SAMD8: variants seen among roughly 807,000 people sequenced by gnomAD.
SAMD8 encodes the protein sphingomyelin synthase-related protein 1.
A neutral mutation model predicts 42.0 loss-of-function variants in SAMD8; 20 were observed. The observed-to-expected ratio is 0.48, with a 90% CI of 0.34 to 0.69. The LOEUF is 0.69. SAMD8 is among the 30% of genes least tolerant of loss of function. SAMD8 has a pLI of 0.01. For synonymous variants in SAMD8, 162 were observed against 173.0 expected (o/e 0.94, Z 0.50); for missense variants, 328 against 511.6 (o/e 0.64, Z 3.46).
intron 2 of SAMD8, among the ~76,000 whole-genome samples, chr10:75,155,216 C>A (rs887317287): frequency 8.5e-5 from 13 of 152,072 alleles, no homozygotes; most frequent in African/African-American, 3.1e-4. Flanking sequence ...TTAACCTGAC[C>A]ATCTGTAAAG....
At chr10:75,111,779 G>T in intron 1 of SAMD8, 57 bp downstream of exon 1, 3 of 1,232,448 alleles carry the variant, frequency 2.4e-6, no homozygotes, top group Non-Finnish European at 3.0e-6. Context: ...GCTGCCAAGG[G>T]TGAGTGGGGA....
chr10:75,104,058 C>T (rs762664811), intron 1 of SAMD8: 1 of 1,361,586 alleles, frequency 7.3e-7, no homozygotes, highest in Admixed American at 1.9e-5. Flanking sequence ...GCCAGGGTGG[C>T]AAAGTGGCAG....
chr10:75,160,773 G>A (rs888780076), intron 2 of SAMD8, among the ~76,000 whole-genome samples: 1 of 152,132 alleles, frequency 6.6e-6, no homozygotes, highest in African/African-American at 2.4e-5. Context: ...AAGTTTATTT[G>A]TACTTCAGAG....
chr10:75,150,867 G>A lies in SAMD8; in HGVS notation c.339G>A (p.Gly113=), dbSNP rs776572858. Residue 113 remains glycine, a synonymous_variant, in exon 2 of 6, where the codon GGG becomes GGA. Transcript: ENST00000542569. ...ALQSTDWLCN[G]ELSHDCDGPI... ...AGAGTACAGACTGGCTCTGTAATGG[G>A]GAGCTTTCCCATGACTGTGACGGAC... The A allele has an allele frequency of 1.9e-6, 3 of 1,613,498 alleles. No homozygotes were observed. Among genetic ancestry groups the A allele is most frequent in the Non-Finnish European group, 2.5e-6 (3 of 1,179,690 alleles).
At chr10:75,154,093 G>GT (rs1290773850) in intron 2 of SAMD8, among the ~76,000 whole-genome samples, 1 of 152,060 alleles carries the variant, frequency 6.6e-6, no homozygotes, top group Admixed American at 6.6e-5. Context: ...TTTTGTTTTT[G>GT]TTTTTTAAGT....
intron 3 of SAMD8, chr10:75,168,247 A>C (rs1322235506): frequency 5.8e-6 from 1 of 171,156 alleles, no homozygotes; most frequent in Non-Finnish European, 1.2e-5. Flanking sequence ...AATTTAAATT[A>C]ACTAAAATGA....
rs1291089615 is a variant in SAMD8 at position 75,180,596 on chromosome 10, A to G, written c.*3904A>G. The G allele has an allele frequency of 6.6e-6, 1 of 152,208 alleles. No individual in the cohort carries two copies. Among genetic ancestry groups the G allele is most frequent in the Non-Finnish European group, 1.5e-5 (1 of 68,104 alleles). The allele number at this position is 152,208 out of a possible 1,614,324, so 9.4% of individuals were successfully genotyped here. On this transcript the variant is annotated 3_prime_UTR_variant, in exon 6 of 6. Transcript: ENST00000542569. ...AAAAACAAAACAAAATAAAATAATA[A>G]TGTGGGCTATTCAGAAGAAAAAGTC...
intron 1 of SAMD8, among the ~76,000 whole-genome samples, chr10:75,117,382 A>T (rs375002759): frequency 1.3e-5 from 2 of 151,338 alleles, no homozygotes; most frequent in East Asian, 2.0e-4. Context: ...TGATTGCGCC[A>T]CTGCACTCCA....
At chr10:75,155,501 T>C (rs1396187528) in intron 2 of SAMD8, among the ~76,000 whole-genome samples, 1 of 151,686 alleles carries the variant, frequency 6.6e-6, no homozygotes, top group Non-Finnish European at 1.5e-5. Context: ...AACAATTGGC[T>C]GTAGCAAATG....
At chr10:75,105,683 C>T (rs1265364484) in intron 1 of SAMD8, 2 of 1,549,308 alleles carry the variant, frequency 1.3e-6, no homozygotes, top group East Asian at 4.9e-5. Context: ...CTCTGGCCGG[C>T]ACCCCGCAGT....
At chr10:75,168,184 G>C (rs908375782) in intron 3 of SAMD8, among the ~76,000 whole-genome samples, 1 of 152,090 alleles carries the variant, frequency 6.6e-6, no homozygotes, top group Non-Finnish European at 1.5e-5. Context: ...TTTCTTATCA[G>C]TGAAATGATG....
chr10:75,176,616 A>G lies in SAMD8; in HGVS notation c.1172A>G (p.Asn391Ser), dbSNP rs143264704. 4.1e-5 allele frequency: 63 copies of G among 1,550,452 alleles called. No homozygotes were observed. In the East Asian group the frequency reaches 1.2e-3, roughly 31 times the overall value. Residue 391 changes from asparagine (N) to serine (S), a missense_variant, in exon 6 of 6, where the codon AAT becomes AGT. Physicochemically the swap from Asn to Ser is conservative, Grantham distance 46 (BLOSUM62 1). This residue lies in a region of SAMD8 where 178 missense variants were observed against 325.6 expected (regional missense o/e 0.55). Transcript: ENST00000542569. The surrounding 1 kb of genome is among the most constrained non-coding windows in gnomAD (Gnocchi z 4.3). ...WFPMFSFFECNVNGTVPNEYC... is the reference protein window; with the variant it reads ...WFPMFSFFECSVNGTVPNEYC... Reference sequence around the variant, plus strand: ...CCCATGTTCTCTTTTTTTGAATGCAATGTTAATGGCACAGTACCTAATGAA... The same window carrying G: ...CCCATGTTCTCTTTTTTTGAATGCAGTGTTAATGGCACAGTACCTAATGAA...
At chr10:75,121,725 T>C (rs975108348) in intron 1 of SAMD8, among the ~76,000 whole-genome samples, 1 of 152,164 alleles carries the variant, frequency 6.6e-6, no homozygotes, top group African/African-American at 2.4e-5. Flanking sequence ...TGAGTCTCAC[T>C]TTGTCGCCCA....
intron 2 of SAMD8, among the ~76,000 whole-genome samples, chr10:75,159,668 C>A (rs1212448877): frequency 6.6e-6 from 1 of 152,222 alleles, no homozygotes; most frequent in Non-Finnish European, 1.5e-5. Context: ...TAACCAGTGA[C>A]TCATTTCTCT....
At chr10:75,131,249 A>T (rs1034135366) in intron 1 of SAMD8, among the ~76,000 whole-genome samples, 1 of 152,194 alleles carries the variant, frequency 6.6e-6, no homozygotes, top group Non-Finnish European at 1.5e-5. Context: ...GTGACCATCC[A>T]TTCTAATTCT....
chr10:75,121,089 T>C (rs1300203267), intron 1 of SAMD8, among the ~76,000 whole-genome samples: 1 of 152,170 alleles, frequency 6.6e-6, no homozygotes, highest in Non-Finnish European at 1.5e-5. Context: ...TTGAGCAGTT[T>C]CTGTTTGCTA....
At chr10:75,128,206 G>A (rs1266573135) in intron 1 of SAMD8, among the ~76,000 whole-genome samples, 2 of 151,346 alleles carry the variant, frequency 1.3e-5, no homozygotes, top group Non-Finnish European at 2.9e-5. Context: ...CCGAGTAGCT[G>A]GGATTACAGG....
In SAMD8 at chr10:75,178,852, A is replaced by G. The variant is rs1231554563; in HGVS notation, c.*2160A>G. On this transcript the variant is annotated 3_prime_UTR_variant, in exon 6 of 6. Coordinates refer to ENST00000542569, the MANE Select transcript of SAMD8 (RefSeq NM_001174156.2). ...GAGATTAGCCTGGCCAATATGGTGA[A>G]ACCTCATCTCTACTAAAACTACAAA... is the stretch of plus-strand genomic sequence containing the variant. 6.6e-6 allele frequency: 1 copy of G among 151,880 alleles called. No homozygotes were observed. The highest frequency in any genetic ancestry group is 1.5e-5 in the Non-Finnish European group (1 of 68,018). The allele number at this position is 151,880 out of a possible 1,614,324, so 9.4% of individuals were successfully genotyped here.
chr10:75,140,597 A>G (rs1001616400), intron 1 of SAMD8, among the ~76,000 whole-genome samples: 7 of 152,244 alleles, frequency 4.6e-5, no homozygotes, highest in Non-Finnish European at 8.8e-5. Flanking sequence ...ATCCAAGTAC[A>G]AGGGAAGGGA....
Sources: gnomAD v4.1 joint callset for allele counts (sites outside exome capture counted in the v4.1 genomes callset) on GRCh38, gnomAD v4.1.1 for gene constraint, gnomAD v4.1.1 regional missense constraint, Gnocchi (gnomAD v3.1) non-coding constraint, MANE v1.5 for transcripts, NCBI Gene and HGNC (gene_info 2026-07-23, HGNC 2026-07-21) for gene names.